Variants in PRDM16 observed in about 807,000 individuals in gnomAD.
PRDM16 encodes PR/SET domain 16.
A neutral mutation model predicts 110.6 loss-of-function variants in PRDM16; 23 were observed. The ratio of observed to expected loss-of-function variants is 0.21; its 90% CI spans 0.15 to 0.29. The LOEUF (loss-of-function observed/expected upper bound fraction) is 0.29, where lower values mean the gene tolerates loss of function less well. PRDM16 is among the 10% of genes least tolerant of loss of function. PRDM16 has a pLI of 1.00. For synonymous variants in PRDM16, 799 were observed against 781.8 expected, an observed-to-expected ratio of 1.02 and a Z score of -0.37; for missense variants, 1,615 against 1,794.3, an observed-to-expected ratio of 0.90 and a Z score of 1.81.
At chr1:3,259,502 C>T (rs1163328723) in intron 3 of PRDM16, among the ~76,000 whole-genome samples, 1 of 152,172 alleles carries the variant, frequency 6.6e-6, no homozygotes, top group Non-Finnish European at 1.5e-5. Flanking sequence ...CCTTTCTTCC[C>T]CTCCACATAA....
At chr1:3,248,627 C>T (rs888882002) in intron 3 of PRDM16, among the ~76,000 whole-genome samples, 5 of 152,148 alleles carry the variant, frequency 3.3e-5, no homozygotes, top group African/African-American at 4.8e-5. Context: ...GTCATTCCGC[C>T]GGAAGAGGGG....
At chr1:3,087,628 C>G (rs1642180542) in intron 1 of PRDM16, among the ~76,000 whole-genome samples, 1 of 152,078 alleles carries the variant, frequency 6.6e-6, no homozygotes, top group African/African-American at 2.4e-5. Flanking sequence ...TCAAAAATGC[C>G]CAACGCACCC....
At chr1:3,073,793 G>T (rs2100544388) in intron 1 of PRDM16, among the ~76,000 whole-genome samples, 1 of 152,276 alleles carries the variant, frequency 6.6e-6, no homozygotes, top group South Asian at 2.1e-4. Context: ...CCCGACCCTG[G>T]CCCAGCGGGA....
chr1:3,073,787 A>G (rs578072594), intron 1 of PRDM16, among the ~76,000 whole-genome samples: 30 of 152,114 alleles, frequency 2.0e-4, no homozygotes, highest in African/African-American at 7.0e-4. Flanking sequence ...TGGCGCCCCG[A>G]CCCTGGCCCA....
intron 3 of PRDM16, among the ~76,000 whole-genome samples, chr1:3,326,085 GC>G (rs1220882062): frequency 1.5e-5 from 1 of 68,298 alleles, no homozygotes; most frequent in Middle Eastern, 8.3e-3. Flanking sequence ...ACCATCCTTG[GC>G]CCCCCTTGGC....
At chr1:3,357,018 T>C (rs956467517) in intron 3 of PRDM16, among the ~76,000 whole-genome samples, 1 of 152,182 alleles carries the variant, frequency 6.6e-6, no homozygotes, top group Admixed American at 6.5e-5. Context: ...AGCTGCAGCT[T>C]GCCCACAGCA....
chr1:3,084,402 G>A (rs1642103104), intron 1 of PRDM16, among the ~76,000 whole-genome samples: 1 of 152,184 alleles, frequency 6.6e-6, no homozygotes, highest in African/African-American at 2.4e-5. Flanking sequence ...GCGCTCGGCG[G>A]CCGGAGAGAG....
chr1:3,374,314 G>A (rs553636214), intron 3 of PRDM16, among the ~76,000 whole-genome samples: 11 of 152,356 alleles, frequency 7.2e-5, no homozygotes, highest in African/African-American at 2.6e-4. Flanking sequence ...TTGGCAAAGA[G>A]CTTTCCACTT....
chr1:3,256,164 C>T (rs1307768333), intron 3 of PRDM16, among the ~76,000 whole-genome samples: 1 of 152,194 alleles, frequency 6.6e-6, no homozygotes, highest in Non-Finnish European at 1.5e-5. Context: ...ACTGGCCTGA[C>T]CCAACCAGTC....
rs562652657 is a variant in PRDM16, at chr1:3,425,508, C to A, written c.2940-73C>A. 9 of 1,528,248 alleles carry A rather than the reference C, an allele frequency of 5.9e-6. No homozygotes were observed. The East Asian group carries it at 1.4e-4, about 23-fold the overall frequency. 94.7% of individuals were successfully genotyped at this position (1,528,248 alleles called of 1,614,324 possible). A position where few individuals can be genotyped will look rare whatever the true frequency, so the allele number is the denominator to read the frequency against. ...CGGGGCAGGGGCGCGGGCTCCCTTC[C>A]CCCCACCCTCTGTGGCCCGGCCTGC... On this transcript the variant is annotated intron_variant, in intron 12 of 16. Coordinates refer to ENST00000270722, the MANE Select transcript of PRDM16 (RefSeq NM_022114.4). The surrounding 1 kb of genome is among the most constrained non-coding windows in gnomAD (Gnocchi z 6.9).
At chr1:3,159,400 C>T (rs1264099865) in intron 1 of PRDM16, among the ~76,000 whole-genome samples, 1 of 152,242 alleles carries the variant, frequency 6.6e-6, no homozygotes, top group Non-Finnish European at 1.5e-5. Context: ...AGGCTGGCTC[C>T]TCCCAAGGCC....
chr1:3,328,090 C>A (rs1020281080), intron 3 of PRDM16, among the ~76,000 whole-genome samples: 3 of 152,208 alleles, frequency 2.0e-5, no homozygotes, highest in African/African-American at 7.2e-5. Flanking sequence ...GCTGGATGTG[C>A]TAGGCGTTGG....
intron 1 of PRDM16, among the ~76,000 whole-genome samples, chr1:3,142,566 A>T (rs1006039071): frequency 6.6e-6 from 1 of 152,080 alleles, no homozygotes; most frequent in Non-Finnish European, 1.5e-5. Flanking sequence ...GGCGTGTGGC[A>T]CCCAGACGTT....
intron 2 of PRDM16, among the ~76,000 whole-genome samples, chr1:3,192,450 C>G (rs543281838): frequency 1.3e-4 from 20 of 152,298 alleles, no homozygotes; most frequent in Middle Eastern, 6.8e-3. Flanking sequence ...ACCTCATGCT[C>G]TGGCCTGCTC....
At chr1:3,277,717 GCA>G (rs139643837) in intron 3 of PRDM16, among the ~76,000 whole-genome samples, 8,922 of 151,654 alleles carry the variant, frequency 0.059, 852 homozygotes, top group African/African-American at 0.2. Flanking sequence ...TCACCCACAT[GCA>G]CACACACACG....
At chr1:3,337,804 C>G (rs954155715) in intron 3 of PRDM16, among the ~76,000 whole-genome samples, 1 of 152,110 alleles carries the variant, frequency 6.6e-6, no homozygotes, top group Non-Finnish European at 1.5e-5. Context: ...CCCTGGTGAC[C>G]TGGAGCATGA....
rs550255770 is a variant in PRDM16, at chr1:3,424,423, C to G, written c.2940-1158C>G. 1.8e-4 allele frequency among the ~76,000 whole-genome samples: 28 copies of G among 152,358 alleles called. No individual in the cohort carries two copies. In the South Asian group the frequency reaches 5.2e-3, roughly 28 times the overall value. The stretch of plus-strand genomic sequence containing the variant: ...AGCCCTCCTCGATCGCTCATTATGA[C>G]GACTTTCCAGCCGCAAGGGGCCTTG... On this transcript the variant is annotated intron_variant, in intron 12 of 16. Transcript: ENST00000270722.
chr1:3,163,756 A>G lies in PRDM16; in HGVS notation c.38-22369A>G, dbSNP rs996160541. ...TCGCCCAGCCTCAGCCTCTGTGTGC[A>G]TGTCATATTCTACCCCGTGCGTGTT... On this transcript the variant is annotated intron_variant, in intron 1 of 16. Coordinates refer to ENST00000270722, the MANE Select transcript of PRDM16 (RefSeq NM_022114.4). Among the ~76,000 whole-genome samples the G allele has an allele frequency of 7.9e-5, 12 of 152,100 alleles. 1 individual carries two copies. The East Asian group carries it at 1.7e-3, about 22-fold the overall frequency.
intron 12 of PRDM16, among the ~76,000 whole-genome samples, chr1:3,420,047 G>A (rs528679020): frequency 2.0e-5 from 3 of 152,164 alleles, no homozygotes; most frequent in Non-Finnish European, 2.9e-5. Flanking sequence ...AATGAGAGCC[G>A]ACTTCTGGAC....
Sources: allele counts gnomAD v4.1 joint callset (sites outside exome capture counted in the v4.1 genomes callset), GRCh38; gene constraint gnomAD v4.1.1; non-coding constraint Gnocchi (gnomAD v3.1); transcripts MANE v1.5; gene names NCBI Gene and HGNC (gene_info 2026-07-23, HGNC 2026-07-21).